FHIP2A: variants seen among roughly 807,000 people sequenced by gnomAD.
The protein encoded by FHIP2A is FHF complex subunit HOOK interacting protein 2A.
Under a neutral mutation model 93.5 loss-of-function variants are expected in FHIP2A, and 46 were observed. That is an observed-to-expected ratio of 0.49 (90% confidence interval 0.39 to 0.63). The LOEUF (loss-of-function observed/expected upper bound fraction) is 0.63, where lower values mean the gene tolerates loss of function less well. FHIP2A is among the 20% of genes least tolerant of loss of function. The probability of loss-of-function intolerance (pLI) is 0.00; values close to 1 mark genes in which losing one functional copy is unlikely to be tolerated. For missense variants in FHIP2A, 769 were observed against 909.7 expected (o/e 0.85, Z 1.99); for synonymous variants, 332 against 326.5 (o/e 1.02, Z -0.18).
At chr10:114,860,324 G>T (rs1438549491) in intron 14 of FHIP2A, among the ~76,000 whole-genome samples, 1 of 152,108 alleles carries the variant, frequency 6.6e-6, no homozygotes, top group East Asian at 1.9e-4. Flanking sequence ...AAGAGCATGC[G>T]CAGCAGGGAG....
chr10:114,854,645 T>A (rs2083756542), intron 13 of FHIP2A, among the ~76,000 whole-genome samples: 1 of 152,226 alleles, frequency 6.6e-6, no homozygotes. Flanking sequence ...TTGCTTTTTG[T>A]CCTCATCTCA....
chr10:114,864,596 G>A lies in FHIP2A; in HGVS notation c.*3056G>A, dbSNP rs778604247. ...CCCTCCGTGGAGAAACTCTTCAGAT[G>A]GTCATTGTGTACCTACTCTCTCTTC... On this transcript the variant is annotated 3_prime_UTR_variant, in exon 17 of 17. Coordinates refer to ENST00000369248, the MANE Select transcript of FHIP2A (RefSeq NM_020940.4). 14 of 985,610 alleles carry A rather than the reference G, an allele frequency of 1.4e-5. No homozygotes were observed. The highest frequency in any genetic ancestry group is 1.7e-5 in the Non-Finnish European group (14 of 829,916). 61.1% of individuals were successfully genotyped at this position (985,610 alleles called of 1,614,324 possible). A position where few individuals can be genotyped will look rare whatever the true frequency, so the allele number is the denominator to read the frequency against.
chr10:114,874,528 G>C (rs2083874498), intron 16 of FHIP2A, among the ~76,000 whole-genome samples: 3 of 152,268 alleles, frequency 2.0e-5, no homozygotes, highest in African/African-American at 4.8e-5. Context: ...TGGAGATGGA[G>C]TTTCGCTGTT....
At chr10:114,880,680 AACACACACAC>A (rs71473073) in intron 16 of FHIP2A, among the ~76,000 whole-genome samples, 3 of 144,042 alleles carry the variant, frequency 2.1e-5, no homozygotes, top group South Asian at 2.3e-4. Flanking sequence ...ACTCCATGTC[AACACACACAC>A]ACACACACAC....
At position 114,860,813 on chromosome 10, in the gene FHIP2A, A is replaced by T. The variant is rs1168537031; in HGVS notation, c.2012A>T (p.His671Leu). Residue 671 changes from histidine (H) to leucine (L), a missense_variant, in exon 15 of 17, where the codon CAC becomes CTC. By Grantham distance (99) the His-to-Leu change is moderately conservative. Transcript: ENST00000369248. ...LSRLSLFPHP[H>L]IHEYLLDPYV... is the part of the protein sequence containing the mutation. ...AGACTTTCTCTCTTCCCTCATCCAC[A>T]CATCCACGAGTACCTTTTGGATCCT... 2 of 1,608,730 alleles carry T rather than the reference A, an allele frequency of 1.2e-6. No individual in the cohort carries two copies. The highest frequency in any genetic ancestry group is 2.2e-5 in the South Asian group (2 of 90,978).
chr10:114,863,739 T>G lies in FHIP2A; in HGVS notation c.*2199T>G, dbSNP rs776021869. The G allele has an allele frequency of 3.9e-6, 5 of 1,289,288 alleles. No individual in the cohort carries two copies. The highest frequency in any genetic ancestry group is 1.5e-5 in the African/African-American group (1 of 64,992). 79.9% of individuals were successfully genotyped at this position (1,289,288 alleles called of 1,614,324 possible). On this transcript the variant is annotated 3_prime_UTR_variant, in exon 17 of 17. Transcript: ENST00000369248. ...ATCACCAGTTTTTCTTACCTTCTGTTGACAGCTGAATATTTCTGTTACTCA... is the reference window on the plus strand; with the variant it reads ...ATCACCAGTTTTTCTTACCTTCTGTGGACAGCTGAATATTTCTGTTACTCA...
At chr10:114,898,646 A>T (rs2084012382) in intron 16 of FHIP2A, among the ~76,000 whole-genome samples, 1 of 152,134 alleles carries the variant, frequency 6.6e-6, no homozygotes, top group Non-Finnish European at 1.5e-5. Flanking sequence ...CTAGTTCCTT[A>T]TTACCAGTTG....
At chr10:114,899,539 C>T in exon 17 of FHIP2A, 1 of 718,026 alleles carries the variant, frequency 1.4e-6, no homozygotes, top group South Asian at 1.5e-5. Flanking sequence ...TCTCTTATGT[C>T]CTCAAAGCTT....
intron 1 of FHIP2A, among the ~76,000 whole-genome samples, chr10:114,826,867 G>A (rs1012879533): frequency 2.0e-5 from 3 of 152,192 alleles, no homozygotes; most frequent in South Asian, 2.1e-4. Context: ...GGTAGCATGC[G>A]CCTGTAATCC....
At chr10:114,887,133 C>A (rs950286256) in intron 16 of FHIP2A, among the ~76,000 whole-genome samples, 3 of 152,186 alleles carry the variant, frequency 2.0e-5, no homozygotes, top group African/African-American at 7.2e-5. Context: ...TTTCACAACA[C>A]TTTCCTTTGG....
At chr10:114,884,867 T>C (rs2083934327) in intron 16 of FHIP2A, among the ~76,000 whole-genome samples, 1 of 145,422 alleles carries the variant, frequency 6.9e-6, no homozygotes, top group Non-Finnish European at 1.5e-5. Context: ...TGAGCTGAGA[T>C]AGTGCCACTG....
intron 16 of FHIP2A, among the ~76,000 whole-genome samples, chr10:114,896,756 T>C (rs1255997276): frequency 6.6e-6 from 1 of 152,248 alleles, no homozygotes; most frequent in Non-Finnish European, 1.5e-5. Flanking sequence ...AGCTGTGCCC[T>C]GACCACCTAG....
intron 3 of FHIP2A, among the ~76,000 whole-genome samples, chr10:114,834,951 C>T (rs771711042): frequency 2.0e-5 from 3 of 152,218 alleles, no homozygotes; most frequent in Non-Finnish European, 4.4e-5. Flanking sequence ...TTCCACAGGG[C>T]TGACTACCAG....
intron 2 of FHIP2A, 142 bp from the exon 3 acceptor site, chr10:114,833,091 T>A (rs2083616856): frequency 1.6e-6 from 1 of 617,838 alleles, no homozygotes; most frequent in Non-Finnish European, 2.8e-6. Context: ...GAGATAATCA[T>A]ACTGTGTTTA....
intron 16 of FHIP2A, among the ~76,000 whole-genome samples, chr10:114,874,915 C>T (rs1385970765): frequency 6.6e-6 from 1 of 152,284 alleles, no homozygotes; most frequent in African/African-American, 2.4e-5. Context: ...CTGACAGAAG[C>T]GGTTAGCTTA....
At chr10:114,836,020 A>G (rs1430445249) in intron 4 of FHIP2A, 104 bp from the exon 5 acceptor site, 4 of 797,384 alleles carry the variant, frequency 5.0e-6, no homozygotes, top group Middle Eastern at 3.3e-4. Context: ...GGATATTTGC[A>G]TTATATGAAA....
chr10:114,831,017 C>T (rs2143009887), intron 2 of FHIP2A, 87 bp downstream of exon 2: 1 of 699,086 alleles, frequency 1.4e-6, no homozygotes, highest in Non-Finnish European at 2.4e-6. Flanking sequence ...AAGTAAGTCT[C>T]CAAAGTTATT....
chr10:114,899,428 C>A, intron 16 of FHIP2A: 1 of 717,696 alleles, frequency 1.4e-6, no homozygotes, highest in Non-Finnish European at 2.6e-6. Context: ...TATGCTCAGG[C>A]TACATCCTCA....
chr10:114,861,923 C>A lies in FHIP2A; in HGVS notation c.*383C>A. On this transcript the variant is annotated 3_prime_UTR_variant, in exon 17 of 17. Transcript: ENST00000369248. The stretch of plus-strand genomic sequence containing the variant: ...AGGCATTTTGACATTCTCTGGGACT[C>A]AAATGCTTGTATTCTTTTGGATTAA... The A allele has an allele frequency of 1.0e-6, 1 of 987,462 alleles. No individual in the cohort carries two copies. The highest frequency in any genetic ancestry group is 1.2e-6 in the Non-Finnish European group (1 of 831,202). 61.2% of individuals were successfully genotyped at this position (987,462 alleles called of 1,614,324 possible).
Sources: gnomAD v4.1 joint callset for allele counts (sites outside exome capture counted in the v4.1 genomes callset) on GRCh38, gnomAD v4.1.1 for gene constraint, MANE v1.5 for transcripts, NCBI Gene and HGNC (gene_info 2026-07-23, HGNC 2026-07-21) for gene names.